PRPSAP1: variants seen among roughly 807,000 people sequenced by gnomAD.
PRPSAP1 encodes phosphoribosyl pyrophosphate synthetase associated protein 1.
PRPSAP1 carries 31 observed loss-of-function variants against 39.4 expected under a neutral mutation model. That is an observed-to-expected ratio of 0.79 (90% confidence interval 0.59 to 1.06). PRPSAP1 has a LOEUF of 1.06. PRPSAP1 is among the 50% of genes least tolerant of loss of function. The probability of loss-of-function intolerance (pLI) is 0.00; values close to 1 mark genes in which losing one functional copy is unlikely to be tolerated. For synonymous variants in PRPSAP1, 212 were observed against 192.6 expected, an observed-to-expected ratio of 1.10 and a Z score of -0.83; for missense variants, 430 against 511.6, an observed-to-expected ratio of 0.84 and a Z score of 1.54.
Position 76,353,674 on chromosome 17 carries a change from CG to C in PRPSAP1, c.29del (p.Pro10ArgfsTer21), listed in dbSNP as rs1459082933. 2.0e-6 allele frequency: 3 copies of C among 1,517,148 alleles called. No homozygotes were observed. Among genetic ancestry groups the C allele is most frequent in the Admixed American group, 2.0e-5 (1 of 49,082 alleles). The allele number at this position is 1,517,148 out of a possible 1,614,324, so 94.0% of individuals were successfully genotyped here. A position where few individuals can be genotyped will look rare whatever the true frequency, so the allele number is the denominator to read the frequency against. Reference sequence around the variant, plus strand: ...CGCGGAAAGCCGAGGACGCGGAGGGCGGGGGCAACAGCAGCAGCTTCTTGGG... The same window carrying C: ...CGCGGAAAGCCGAGGACGCGGAGGGCGGGGCAACAGCAGCAGCTTCTTGGG... The part of the protein sequence containing the change: MPKKLLLLP[P>X]PSASSAFRVP... On this transcript the variant is annotated frameshift_variant, in exon 1 of 10. Transcript: ENST00000446526. LOFTEE classifies it high-confidence loss of function.
chr17:76,321,771 C>G (rs987988494), intron 7 of PRPSAP1, among the ~76,000 whole-genome samples: 7 of 152,116 alleles, frequency 4.6e-5, no homozygotes, highest in South Asian at 2.1e-4. Context: ...AGCTACACCT[C>G]TTTAGTCAAA....
chr17:76,315,144 C>G (rs1307513393), intron 7 of PRPSAP1, among the ~76,000 whole-genome samples: 1 of 152,090 alleles, frequency 6.6e-6, no homozygotes, highest in East Asian at 1.9e-4. Context: ...TATCTGACTG[C>G]AAAATCTGCA....
chr17:76,344,752 T>TG lies in PRPSAP1; in HGVS notation c.224-16dup. ...AACTCTTGTTTCTGAAAAATAAAAA[T>TG]GTTCTGAAGTTTTAAGAAAAGCTCC... On this transcript the variant is annotated splice_polypyrimidine_tract_variant and intron_variant, in intron 2 of 9. Transcript: ENST00000446526. The TG allele has an allele frequency of 1.3e-6, 2 of 1,530,640 alleles. No homozygotes were observed. Among genetic ancestry groups the TG allele is most frequent in the Non-Finnish European group, 1.8e-6 (2 of 1,124,728 alleles). The allele number at this position is 1,530,640 out of a possible 1,614,324, so 94.8% of individuals were successfully genotyped here.
chr17:76,320,253 CAAGAAAGAAAGAA>C (rs1189546758), intron 7 of PRPSAP1, among the ~76,000 whole-genome samples: 3 of 115,374 alleles, frequency 2.6e-5, no homozygotes, highest in East Asian at 2.8e-4. Flanking sequence ...CTGGGTGAGA[CAAGAAAGAAAGAA>C]AAGAAAGAAA....
At chr17:76,326,976 G>A (rs1283850327) in intron 7 of PRPSAP1, among the ~76,000 whole-genome samples, 3 of 151,882 alleles carry the variant, frequency 2.0e-5, no homozygotes, top group Admixed American at 6.6e-5. Flanking sequence ...TGGGGACTCC[G>A]AGTGAAGAGC....
intron 7 of PRPSAP1, 49 bp downstream of exon 7, chr17:76,328,668 A>C (rs754024517): frequency 2.4e-5 from 38 of 1,585,706 alleles, no homozygotes; most frequent in Admixed American, 5.8e-5. Flanking sequence ...CAACAAAAAA[A>C]AACTTTCTTC....
chr17:76,317,929 CTCTTT>C (rs2071142357), intron 7 of PRPSAP1, among the ~76,000 whole-genome samples: 1 of 152,032 alleles, frequency 6.6e-6, no homozygotes, highest in Non-Finnish European at 1.5e-5. Flanking sequence ...CATACAACTT[CTCTTT>C]TAACAAATTA....
In PRPSAP1 at chr17:76,333,674, A is replaced by C. The variant is rs187124378; in HGVS notation, c.291-1239T>G. Among the ~76,000 whole-genome samples the C allele has an allele frequency of 3.9e-3, 596 of 151,476 alleles. 7 individuals are homozygous for C. Among genetic ancestry groups the C allele is most frequent in the African/African-American group, 0.014 (570 of 41,180 alleles). ...AACAAAACAAAACAAAACAAACAAA[A>C]AAAAACCTCCCTGGACCTTTCTTTC... On this transcript the variant is annotated intron_variant, in intron 3 of 9. Coordinates refer to ENST00000446526, the MANE Select transcript of PRPSAP1 (RefSeq NM_002766.3).
chr17:76,345,132 G>A (rs1335989825), intron 2 of PRPSAP1, among the ~76,000 whole-genome samples: 6 of 151,384 alleles, frequency 4.0e-5, no homozygotes, highest in East Asian at 1.9e-4. Flanking sequence ...CTACTCGGGA[G>A]GCTGAGGCAG....
At chr17:76,313,426 G>A (rs1051872192) in intron 8 of PRPSAP1, 2 of 240,672 alleles carry the variant, frequency 8.3e-6, no homozygotes, top group African/African-American at 2.2e-5. Flanking sequence ...TTAGAGCTGG[G>A]AAAAAAAGTA....
rs375703974 is a variant in PRPSAP1, at chr17:76,332,345, G to A, written c.381C>T (p.Tyr127=). ...TCTTGCTCTGCTTGCTGTAGGGGAA[G>A]TAGGGGATGACCCCAATAATGTTCC... ...CARNIIGVIP[Y]FPYSKQSKMR... is the part of the protein sequence containing the mutation. The change falls in exon 4 of 10, where the codon TAC becomes TAT. Residue 127 remains tyrosine (Y), a synonymous_variant. Coordinates refer to ENST00000446526, the MANE Select transcript of PRPSAP1 (RefSeq NM_002766.3). The A allele has an allele frequency of 3.7e-6, 6 of 1,614,110 alleles. No individual in the cohort carries two copies. The highest frequency in any genetic ancestry group is 1.3e-5 in the African/African-American group (1 of 74,928).
At chr17:76,348,229 T>C (rs1420398756) in intron 2 of PRPSAP1, among the ~76,000 whole-genome samples, 1 of 151,912 alleles carries the variant, frequency 6.6e-6, no homozygotes, top group East Asian at 1.9e-4. Flanking sequence ...TCCTAGCACT[T>C]TGGGAGGCCG....
At chr17:76,321,711 C>T (rs953241042) in intron 7 of PRPSAP1, among the ~76,000 whole-genome samples, 1 of 152,106 alleles carries the variant, frequency 6.6e-6, no homozygotes, top group African/African-American at 2.4e-5. Context: ...ATGTCTCTTA[C>T]TTTAAATCAA....
intron 1 of PRPSAP1, 128 bp from the exon 2 acceptor site, chr17:76,348,709 A>C (rs1459181474): frequency 5.7e-6 from 4 of 698,332 alleles, no homozygotes; most frequent in Non-Finnish European, 4.5e-6. Context: ...AAAATAATTC[A>C]GAAAATCTAA....
intron 3 of PRPSAP1, among the ~76,000 whole-genome samples, chr17:76,343,789 T>A (rs917349703): frequency 6.6e-6 from 1 of 151,966 alleles, no homozygotes; most frequent in African/African-American, 2.4e-5. Context: ...GAGCCAAGAC[T>A]GTGCCACTGC....
At chr17:76,329,648 G>A (rs2071297738) in intron 6 of PRPSAP1, among the ~76,000 whole-genome samples, 1 of 151,668 alleles carries the variant, frequency 6.6e-6, no homozygotes, top group Admixed American at 6.6e-5. Context: ...AGGCAGGAGA[G>A]CTGCTTGAAC....
chr17:76,340,068 CCTGGGAGGTGGAGG>C (rs1280175341), intron 3 of PRPSAP1, among the ~76,000 whole-genome samples: 2 of 150,584 alleles, frequency 1.3e-5, no homozygotes, highest in Non-Finnish European at 2.9e-5. Context: ...ATCACTTGAG[CCTGGGAGGTGGAGG>C]CTGCAGTGAG....
At chr17:76,313,115 A>C in intron 8 of PRPSAP1, 99 bp from the exon 9 acceptor site, 1 of 1,397,836 alleles carries the variant, frequency 7.2e-7, no homozygotes, top group South Asian at 1.5e-5. Flanking sequence ...TCAGTTTCAG[A>C]GGATTTCTGA....
chr17:76,347,212 C>T (rs993799150), intron 2 of PRPSAP1, among the ~76,000 whole-genome samples: 15 of 151,512 alleles, frequency 9.9e-5, no homozygotes, highest in Admixed American at 2.6e-4. Flanking sequence ...GTGGGCCGGG[C>T]GCGGTGGCTC....
Sources: allele counts gnomAD v4.1 joint callset (sites outside exome capture counted in the v4.1 genomes callset), GRCh38; gene constraint gnomAD v4.1.1; transcripts MANE v1.5; gene names NCBI Gene and HGNC (gene_info 2026-07-23, HGNC 2026-07-21).